ACTR3: variants seen among roughly 807,000 people sequenced by gnomAD.
ACTR3 encodes the protein actin-related protein 3.
Under a neutral mutation model 56.8 loss-of-function variants are expected in ACTR3, and 12 were observed. That is an observed-to-expected ratio of 0.21 (90% CI 0.14 to 0.34). The LOEUF is 0.34. Among genes scored for constraint, ACTR3 ranks in the 10% least tolerant of loss-of-function variants. The probability of loss-of-function intolerance (pLI) is 1.00; values close to 1 mark genes in which losing one functional copy is unlikely to be tolerated. For missense variants in ACTR3, 282 were observed against 512.5 expected (o/e 0.55, Z 4.34); for synonymous variants, 162 against 167.4 (o/e 0.97, Z 0.25).
rs957353118 is a variant in ACTR3 at position 113,890,189 on chromosome 2, G to A, written c.-91G>A. The A allele has an allele frequency of 9.9e-6, 15 of 1,516,076 alleles. No individual in the cohort carries two copies. The highest frequency in any genetic ancestry group is 7.2e-5 in the South Asian group (6 of 83,300). 93.9% of individuals were successfully genotyped at this position (1,516,076 alleles called of 1,614,324 possible). A position where few individuals can be genotyped will look rare whatever the true frequency, so the allele number is the denominator to read the frequency against. On this transcript the variant is annotated 5_prime_UTR_variant, in exon 1 of 12. It removes an upstream start codon present in the reference 5' UTR. Coordinates refer to ENST00000263238, the MANE Select transcript of ACTR3 (RefSeq NM_005721.5). The stretch of plus-strand genomic sequence containing the variant: ...CGGTGAAGGCGGCCCAGCTGTGGAT[G>A]GTCAGATAGCCCTTGTCTCCCGCCG...
intron 7 of ACTR3, among the ~76,000 whole-genome samples, chr2:113,940,996 A>G (rs978560347): frequency 4.6e-5 from 7 of 151,908 alleles, no homozygotes; most frequent in Admixed American, 1.3e-4. Context: ...AAGTTTTTGT[A>G]GAGATGGAGG....
At chr2:113,900,755 C>A (rs1251545158) in intron 1 of ACTR3, among the ~76,000 whole-genome samples, 3 of 152,108 alleles carry the variant, frequency 2.0e-5, no homozygotes, top group African/African-American at 2.4e-5. Flanking sequence ...TCATGTTCTC[C>A]CCACTAGTGA....
chr2:113,929,888 A>G (rs1041734790), intron 4 of ACTR3, among the ~76,000 whole-genome samples: 5 of 152,134 alleles, frequency 3.3e-5, no homozygotes, highest in African/African-American at 1.2e-4. Context: ...CATGTTGGCC[A>G]GGCTGGTCTT....
chr2:113,939,875 TG>T, intron 6 of ACTR3, 83 bp from the exon 7 acceptor site: 1 of 1,216,216 alleles, frequency 8.2e-7, no homozygotes. Context: ...CTTAATAAAT[TG>T]GTCTTTATTG....
chr2:113,890,041 G>T (rs575206402), upstream of ACTR3: 5 of 594,908 alleles, frequency 8.4e-6, no homozygotes, highest in Admixed American at 2.8e-5. Context: ...GAAGAGAGAG[G>T]GGGAGGAGGC....
chr2:113,903,222 A>C (rs1407380317), intron 1 of ACTR3, among the ~76,000 whole-genome samples: 1 of 152,116 alleles, frequency 6.6e-6, no homozygotes, highest in Non-Finnish European at 1.5e-5. Context: ...ATATGAGTAC[A>C]TTGTTTTCCT....
intron 1 of ACTR3, among the ~76,000 whole-genome samples, chr2:113,909,851 TTTA>T (rs1445435700): frequency 6.6e-6 from 1 of 152,152 alleles, no homozygotes; most frequent in East Asian, 1.9e-4. Flanking sequence ...TGGATGGGCC[TTTA>T]GGAACAATTT....
intron 3 of ACTR3, among the ~76,000 whole-genome samples, chr2:113,921,337 G>A (rs1428847152): frequency 8.2e-6 from 1 of 121,604 alleles, no homozygotes; most frequent in South Asian, 2.6e-4. Flanking sequence ...TTTTTTTCTT[G>A]CTGTTGAATT....
intron 2 of ACTR3, 43 bp downstream of exon 2, chr2:113,913,270 T>G (rs2104593320): frequency 7.5e-7 from 1 of 1,339,578 alleles, no homozygotes; most frequent in East Asian, 2.4e-5. Flanking sequence ...ATTTAAAAGA[T>G]CCCCTTCCCT....
chr2:113,920,277 C>G (rs1011023032), intron 3 of ACTR3, among the ~76,000 whole-genome samples: 2 of 152,152 alleles, frequency 1.3e-5, no homozygotes, highest in Admixed American at 6.5e-5. Context: ...ATGCTCGTCT[C>G]AAACTCCTGG....
rs1160654256 is a variant in ACTR3, at chr2:113,939,531, G to GT, written c.541-427dup. ...AATTTAGTTATTTGGCATTATGATG[G>GT]TGTGTGGAAAGCTTCAGGTTTGTGA... On this transcript the variant is annotated intron_variant, in intron 6 of 11. Transcript: ENST00000263238. Among the ~76,000 whole-genome samples the GT allele has an allele frequency of 8.5e-5, 13 of 152,234 alleles. No individual in the cohort carries two copies. In the East Asian group the frequency reaches 2.5e-3, roughly 29 times the overall value.
chr2:113,948,110 C>T (rs1680054540), intron 8 of ACTR3, among the ~76,000 whole-genome samples: 1 of 152,152 alleles, frequency 6.6e-6, no homozygotes, highest in Non-Finnish European at 1.5e-5. Context: ...ACCTCCTTAG[C>T]TATGAATTGC....
intron 8 of ACTR3, among the ~76,000 whole-genome samples, chr2:113,946,130 C>T (rs1037283788): frequency 6.6e-6 from 1 of 152,024 alleles, no homozygotes; most frequent in African/African-American, 2.4e-5. Context: ...TATGATAGAA[C>T]AATTTATACT....
chr2:113,915,061 G>A (rs973280671), intron 2 of ACTR3, among the ~76,000 whole-genome samples: 1 of 152,168 alleles, frequency 6.6e-6, no homozygotes, highest in African/African-American at 2.4e-5. Context: ...CTAATGTAGA[G>A]GTACTTCTTT....
chr2:113,938,461 C>T (rs1287853923), intron 6 of ACTR3, among the ~76,000 whole-genome samples: 1 of 152,204 alleles, frequency 6.6e-6, no homozygotes, highest in African/African-American at 2.4e-5. Flanking sequence ...ATACCAGGAA[C>T]TAGTTTGATC....
chr2:113,936,136 G>T (rs111431366), intron 6 of ACTR3, among the ~76,000 whole-genome samples: 1 of 151,772 alleles, frequency 6.6e-6, no homozygotes, highest in Admixed American at 6.6e-5. Context: ...TACAAAAAAT[G>T]CAAAAATTAA....
At chr2:113,925,769 A>C (rs1679608830) in intron 3 of ACTR3, among the ~76,000 whole-genome samples, 1 of 152,226 alleles carries the variant, frequency 6.6e-6, no homozygotes, top group African/African-American at 2.4e-5. Flanking sequence ...TATAAGTATA[A>C]TGCCTTAAAA....
intron 3 of ACTR3, among the ~76,000 whole-genome samples, chr2:113,922,587 G>C (rs1282146579): frequency 6.6e-6 from 1 of 151,958 alleles, no homozygotes; most frequent in Non-Finnish European, 1.5e-5. Context: ...AAGAGTAAAG[G>C]CTTGCCAGGC....
chr2:113,895,426 C>T (rs1225176579), intron 1 of ACTR3, among the ~76,000 whole-genome samples: 1 of 152,142 alleles, frequency 6.6e-6, no homozygotes, highest in Non-Finnish European at 1.5e-5. Flanking sequence ...GAATTCAAAT[C>T]TTTGTTGTAT....
Sources: allele counts gnomAD v4.1 joint callset (sites outside exome capture counted in the v4.1 genomes callset), GRCh38; gene constraint gnomAD v4.1.1; transcripts MANE v1.5; gene names NCBI Gene and HGNC (gene_info 2026-07-23, HGNC 2026-07-21).